The following MOCS2 variants were observed in gnomAD, a reference collection of about 807,000 sequenced individuals.
MOCS2 encodes molybdenum cofactor synthesis 2.
In MOCS2, 13 loss-of-function variants were observed where a neutral mutation model predicts 21.9. The observed-to-expected ratio is 0.59, with a 90% CI of 0.39 to 0.94. The LOEUF (loss-of-function observed/expected upper bound fraction) is 0.94. Ranked by LOEUF, MOCS2 falls within the 40% of genes least tolerant of loss-of-function variation. MOCS2 has a pLI of 0.00. For synonymous variants in MOCS2, 92 were observed against 80.8 expected (o/e 1.14, Z -0.74); for missense variants, 227 against 218.3 (o/e 1.04, Z -0.25).
chr5:53,106,317 G>A (rs1390536191), intron 3 of MOCS2, among the ~76,000 whole-genome samples: 1 of 152,160 alleles, frequency 6.6e-6, no homozygotes, highest in Admixed American at 6.5e-5. Flanking sequence ...ATCAGTGGTA[G>A]ACTGGATAAA....
At chr5:53,100,242 G>C (rs999463852) in intron 6 of MOCS2, among the ~76,000 whole-genome samples, 169 bp downstream of exon 6, 20 of 152,024 alleles carry the variant, frequency 1.3e-4, no homozygotes, top group Admixed American at 1.3e-4. Context: ...TGCATTCTTT[G>C]GGGCACATAT....
intron 2 of MOCS2, chr5:53,108,085 T>G (rs1235117017): frequency 1.3e-5 from 2 of 152,970 alleles, no homozygotes; most frequent in Non-Finnish European, 2.9e-5. Flanking sequence ...AATTAAATAT[T>G]ACAAAAACTC....
chr5:53,107,305 G>A (rs1042173851), intron 2 of MOCS2, 84 bp from the exon 3 acceptor site: 1 of 1,255,114 alleles, frequency 8.0e-7, no homozygotes, highest in Non-Finnish European at 1.1e-6. Flanking sequence ...ATATTACATA[G>A]ATATAATTAT....
rs375625995 is a variant in MOCS2 at position 53,109,469 on chromosome 5, C to A, written c.-388G>T. The A allele has an allele frequency of 1.6e-5, 21 of 1,304,408 alleles. No individual in the cohort carries two copies. The African/African-American group carries it at 2.3e-4, about 14-fold the overall frequency. 80.8% of individuals were successfully genotyped at this position (1,304,408 alleles called of 1,614,324 possible). A position where few individuals can be genotyped will look rare whatever the true frequency, so the allele number is the denominator to read the frequency against. On this transcript the variant is annotated 5_prime_UTR_variant, in exon 1 of 7. Coordinates refer to ENST00000396954, the MANE Select transcript of MOCS2 (RefSeq NM_004531.5). ...TTCAGAACGAGTCCGTCCTTGCTGC[C>A]GTGAGCTGACAAGAGTTCTCGGAGA...
chr5:53,099,267 C>T (rs964400766), intron 6 of MOCS2, among the ~76,000 whole-genome samples: 21 of 152,196 alleles, frequency 1.4e-4, no homozygotes, highest in African/African-American at 4.6e-4. Context: ...CCAACTAGTC[C>T]TCAAAGCATG....
In MOCS2 at chr5:53,107,190, C is replaced by T. The variant is rs1302190756; in HGVS notation, c.-16G>A. 2.5e-6 allele frequency: 4 copies of T among 1,613,860 alleles called. No individual in the cohort carries two copies. In the African/African-American group the frequency reaches 5.3e-5, roughly 22 times the overall value. ...AGCTCGACATATTCTTGACGAACAG[C>T]AAATATTATCTGATTTCTAACATCA... On this transcript the variant is annotated 5_prime_UTR_variant, in exon 3 of 7. Transcript: ENST00000396954.
Position 53,107,126 on chromosome 5 carries a change from A to G in MOCS2, c.49T>C (p.Leu17=), listed in dbSNP as rs775284610. The change falls in exon 3 of 7, where the codon TTG becomes CTG. Residue 17 remains leucine, a synonymous_variant. Coordinates refer to ENST00000396954, the MANE Select transcript of MOCS2 (RefSeq NM_004531.5). The part of the protein sequence containing the change: ...SSSCFSLETK[L]PLSPPLVEDS... The stretch of plus-strand genomic sequence containing the variant: ...TCCACTAATGGGGGGGATAACGGCA[A>G]TTTCGTCTCCAGGCTGAAGCACGAG... 7.4e-6 allele frequency: 12 copies of G among 1,614,144 alleles called. No individual in the cohort carries two copies. The South Asian group carries it at 1.2e-4, about 16-fold the overall frequency.
At chr5:53,103,835 G>A (rs962520376) in intron 3 of MOCS2, among the ~76,000 whole-genome samples, 1 of 152,202 alleles carries the variant, frequency 6.6e-6, no homozygotes, top group Non-Finnish European at 1.5e-5. Context: ...AAGATAAGGA[G>A]GAAGTCTTGT....
chr5:53,109,440 C>A lies in MOCS2; in HGVS notation c.-359G>T, dbSNP rs1268422374. On this transcript the variant is annotated 5_prime_UTR_variant, in exon 1 of 7. Transcript: ENST00000396954. Reference sequence around the variant, plus strand: ...AAGAGGTGGTCATAAAAGGTGGAGGCGCCTTCAGAACGAGTCCGTCCTTGC... The same window carrying A: ...AAGAGGTGGTCATAAAAGGTGGAGGAGCCTTCAGAACGAGTCCGTCCTTGC... 4.0e-6 allele frequency: 5 copies of A among 1,262,646 alleles called. No individual in the cohort carries two copies. The highest frequency in any genetic ancestry group is 6.2e-5 in the East Asian group (2 of 32,476). The allele number at this position is 1,262,646 out of a possible 1,614,324, so 78.2% of individuals were successfully genotyped here.
Position 53,109,493 on chromosome 5 carries a change from G to A in MOCS2, c.-412C>T. 5.3e-6 allele frequency: 7 copies of A among 1,330,194 alleles called. No individual in the cohort carries two copies. Among genetic ancestry groups the A allele is most frequent in the African/African-American group, 1.6e-5 (1 of 64,496 alleles). 82.4% of individuals were successfully genotyped at this position (1,330,194 alleles called of 1,614,324 possible). A position where few individuals can be genotyped will look rare whatever the true frequency, so the allele number is the denominator to read the frequency against. Reference sequence around the variant, plus strand: ...CCGTGAGCTGACAAGAGTTCTCGGAGAGGACCCGACTTCTGCTGGGGCAGT... The same window carrying A: ...CCGTGAGCTGACAAGAGTTCTCGGAAAGGACCCGACTTCTGCTGGGGCAGT... On this transcript the variant is annotated 5_prime_UTR_variant, in exon 1 of 7. Coordinates refer to ENST00000396954, the MANE Select transcript of MOCS2 (RefSeq NM_004531.5).
In MOCS2 at chr5:53,109,472, G is replaced by A. The variant is rs745786956; in HGVS notation, c.-391C>T. 24 of 1,302,962 alleles carry A rather than the reference G, an allele frequency of 1.8e-5. No individual in the cohort carries two copies. Among genetic ancestry groups the A allele is most frequent in the Non-Finnish European group, 2.1e-5 (22 of 1,028,050 alleles). The allele number at this position is 1,302,962 out of a possible 1,614,324, so 80.7% of individuals were successfully genotyped here. ...AGAACGAGTCCGTCCTTGCTGCCGT[G>A]AGCTGACAAGAGTTCTCGGAGAGGA... is the stretch of plus-strand genomic sequence containing the variant. On this transcript the variant is annotated 5_prime_UTR_variant, in exon 1 of 7. Transcript: ENST00000396954.
rs957767681 is a variant in MOCS2 at position 53,100,585 on chromosome 5, TGTTAAAGAATCTGCTA to T, written c.378-67_378-52del. On this transcript the variant is annotated intron_variant, in intron 5 of 6. Transcript: ENST00000396954. ...AATCACCATCATCTCTGAATCTACG[TGTTAAAGAATCTGCTA>T]GACAGATGAAAAAAAATCCAGGTAT... The T allele has an allele frequency of 1.9e-6, 3 of 1,600,512 alleles. No homozygotes were observed. The African/African-American group carries it at 4.0e-5, about 22-fold the overall frequency.
chr5:53,102,304 T>C (rs1740936012), intron 3 of MOCS2, 80 bp from the exon 4 acceptor site: 1 of 1,342,492 alleles, frequency 7.4e-7, no homozygotes, highest in Non-Finnish European at 1.0e-6. Context: ...TTTCAATTTA[T>C]ATTTTTTTCT....
intron 1 of MOCS2, 54 bp downstream of exon 1, chr5:53,109,193 GAACA>G: frequency 1.4e-6 from 1 of 734,484 alleles, no homozygotes; most frequent in Non-Finnish European, 1.7e-6. Flanking sequence ...GAATTTGCTA[GAACA>G]AACTTGTGCC....
chr5:53,097,474 A>C lies in MOCS2; in HGVS notation c.*1128T>G, dbSNP rs1159179179. On this transcript the variant is annotated 3_prime_UTR_variant, in exon 7 of 7. Coordinates refer to ENST00000396954, the MANE Select transcript of MOCS2 (RefSeq NM_004531.5). ...CCCAGACATAAGAAAAAAATCCTTC[A>C]ATCTAAGTGTCTGAAAGTATAGCTT... is the stretch of plus-strand genomic sequence containing the variant. The C allele has an allele frequency of 6.6e-6, 1 of 152,224 alleles. No individual in the cohort carries two copies. The highest frequency in any genetic ancestry group is 2.4e-5 in the African/African-American group (1 of 41,452). 9.4% of individuals were successfully genotyped at this position (152,224 alleles called of 1,614,324 possible).
chr5:53,104,477 T>C (rs943836466), intron 3 of MOCS2, among the ~76,000 whole-genome samples: 23 of 152,384 alleles, frequency 1.5e-4, no homozygotes, highest in East Asian at 1.3e-3. Flanking sequence ...TGGTAGCCTA[T>C]AGTTTTCTGA....
chr5:53,107,026 C>T lies in MOCS2; in HGVS notation c.98+51G>A, dbSNP rs760435754. ...CAGCAAACCACATACACTTTATCAT[C>T]TGTATGATCCTTCCCCACACGACTG... On this transcript the variant is annotated intron_variant, in intron 3 of 6. Transcript: ENST00000396954. 32 of 1,596,788 alleles carry T rather than the reference C, an allele frequency of 2.0e-5. No individual in the cohort carries two copies. The South Asian group carries it at 3.4e-4, about 17-fold the overall frequency.
chr5:53,098,759 A>C (rs189554704), intron 6 of MOCS2, 92 bp from the exon 7 acceptor site: 59 of 928,492 alleles, frequency 6.4e-5, no homozygotes, highest in Admixed American at 3.9e-4. Flanking sequence ...AATGAATATC[A>C]CATCTATTTC....
chr5:53,100,768 C>A (rs1740888564), intron 5 of MOCS2: 1 of 499,554 alleles, frequency 2.0e-6, no homozygotes. Flanking sequence ...ACTAAACCCT[C>A]CTGATGGGCA....
Sources: gnomAD v4.1 joint callset for allele counts (sites outside exome capture counted in the v4.1 genomes callset) on GRCh38, gnomAD v4.1.1 for gene constraint, MANE v1.5 for transcripts, NCBI Gene and HGNC (gene_info 2026-07-23, HGNC 2026-07-21) for gene names.